The following TGM5 variants were observed in gnomAD, a reference collection of about 807,000 sequenced individuals.
TGM5 encodes the protein protein-glutamine gamma-glutamyltransferase 5.
In TGM5, 69 loss-of-function variants were observed where a neutral mutation model predicts 77.2. The observed-to-expected ratio is 0.89, with a 90% CI of 0.74 to 1.09. The LOEUF (loss-of-function observed/expected upper bound fraction) is 1.09. Ranked by LOEUF, TGM5 falls within the 50% of genes least tolerant of loss-of-function variation. The probability of loss-of-function intolerance (pLI) is 0.00; values close to 1 mark genes in which losing one functional copy is unlikely to be tolerated. For missense variants in TGM5, 842 were observed against 896.5 expected, an observed-to-expected ratio of 0.94 and a Z score of 0.78; for synonymous variants, 346 against 351.8, an observed-to-expected ratio of 0.98 and a Z score of 0.18.
intron 7 of TGM5, 28 bp downstream of exon 7, chr15:43,240,824 A>G (rs2142361036): frequency 6.2e-7 from 1 of 1,613,574 alleles, no homozygotes. Flanking sequence ...GTGTGGCCCT[A>G]GAAATAGGTT....
intron 1 of TGM5, among the ~76,000 whole-genome samples, chr15:43,263,537 G>C (rs762996682): frequency 6.6e-6 from 1 of 152,196 alleles, no homozygotes; most frequent in Non-Finnish European, 1.5e-5. Flanking sequence ...CTTTGACAAA[G>C]GTGCCAAGAC....
At chr15:43,236,491 C>T (rs559651253) in intron 9 of TGM5, among the ~76,000 whole-genome samples, 32 of 152,280 alleles carry the variant, frequency 2.1e-4, no homozygotes, top group African/African-American at 7.2e-4. Flanking sequence ...TACTTGCCCA[C>T]GCCTCATAAT....
chr15:43,235,573 T>A lies in TGM5; in HGVS notation c.1610A>T (p.Lys537Met). The change falls in exon 10 of 13, where the codon AAG (lysine) becomes ATG (methionine). Residue 537 changes from lysine (K) to methionine (M), a missense_variant. Lys to Met is a moderately conservative substitution (Grantham distance 95, BLOSUM62 -1). This residue lies in a region of TGM5 where 815 missense variants were observed against 844.6 expected (regional missense o/e 0.96). Transcript: ENST00000220420. ...LLALNMSSQF[K>M]DLKVNLSAQS... ...GGCACTCAGGTTCACTTTGAGGTCC[T>A]TGAACTGGGAGGACATGTTGAGGGC... 1.2e-6 allele frequency: 2 copies of A among 1,614,208 alleles called. No homozygotes were observed. The highest frequency in any genetic ancestry group is 1.7e-6 in the Non-Finnish European group (2 of 1,180,038).
chr15:43,243,914 C>T (rs1277726054), intron 6 of TGM5, among the ~76,000 whole-genome samples: 3 of 152,202 alleles, frequency 2.0e-5, no homozygotes, highest in Non-Finnish European at 4.4e-5. Flanking sequence ...ATTATCCCAA[C>T]TTTAAAGATG....
Position 43,266,870 on chromosome 15 carries a change from G to A in TGM5, c.-21C>T, listed in dbSNP as rs2142390397. ...GCCATGGTAGCTGCCTCCGGTTCCTGGGATGCTCCCCACAGAACAGCTGGG... is the reference window on the plus strand; with the variant it reads ...GCCATGGTAGCTGCCTCCGGTTCCTAGGATGCTCCCCACAGAACAGCTGGG... On this transcript the variant is annotated 5_prime_UTR_variant, in exon 1 of 13. Transcript: ENST00000220420. 1 of 1,614,014 alleles carries A rather than the reference G, an allele frequency of 6.2e-7. No homozygotes were observed. The highest frequency in any genetic ancestry group is 8.5e-7 in the Non-Finnish European group (1 of 1,180,024).
Position 43,260,237 on chromosome 15 carries a change from C to T in TGM5, c.251G>A (p.Ser84Asn). The T allele has an allele frequency of 6.2e-7, 1 of 1,613,948 alleles. No homozygotes were observed. The highest frequency in any genetic ancestry group is 8.5e-7 in the Non-Finnish European group (1 of 1,180,020). Reference sequence around the variant, plus strand: ...CAGCCAGGCAATCCAGGGGCTGGGGCTGTGATGGCGTGCCAGGCTGAACAC... The same window carrying T: ...CAGCCAGGCAATCCAGGGGCTGGGGTTGTGATGGCGTGCCAGGCTGAACAC... ...RAVFSLARHH[S>N]PSPWIAWLET... The change falls in exon 3 of 13, where the codon AGC becomes AAC. Residue 84 changes from serine to asparagine, a missense_variant. Around this residue, in one of 2 missense-constraint regions of TGM5, gnomAD observed 815 missense variants for 844.6 expected, o/e 0.96. Coordinates refer to ENST00000220420, the MANE Select transcript of TGM5 (RefSeq NM_201631.4).
At position 43,259,712 on chromosome 15, in the gene TGM5, A is replaced by C. The variant is rs148944580; in HGVS notation, c.436+340T>G. 1.4e-4 allele frequency among the ~76,000 whole-genome samples: 22 copies of C among 152,266 alleles called. No homozygotes were observed. The East Asian group carries it at 3.7e-3, about 25-fold the overall frequency. ...TTTTTGACCCTTTCCTTCATTCCAT[A>C]AATACTCAGTGCAGTGCATTCGTTC... On this transcript the variant is annotated intron_variant, in intron 3 of 12. Transcript: ENST00000220420.
intron 6 of TGM5, among the ~76,000 whole-genome samples, chr15:43,244,430 A>G (rs1339575673): frequency 6.6e-6 from 1 of 152,176 alleles, no homozygotes; most frequent in Admixed American, 6.5e-5. Flanking sequence ...GTCACTGATG[A>G]TTTTGTGGGA....
chr15:43,255,334 A>G (rs967148708), intron 4 of TGM5, among the ~76,000 whole-genome samples: 8 of 152,118 alleles, frequency 5.3e-5, no homozygotes, highest in African/African-American at 1.9e-4. Flanking sequence ...ACCATGTCTC[A>G]AAAACAAAAA....
At chr15:43,255,955 C>T (rs2042739399) in intron 4 of TGM5, among the ~76,000 whole-genome samples, 1 of 152,202 alleles carries the variant, frequency 6.6e-6, no homozygotes, top group Admixed American at 6.5e-5. Flanking sequence ...CTTGGGATGA[C>T]CTTCATGTAT....
At chr15:43,252,377 C>T (rs1292927745) in intron 6 of TGM5, among the ~76,000 whole-genome samples, 3 of 152,228 alleles carry the variant, frequency 2.0e-5, no homozygotes, top group South Asian at 2.1e-4. Flanking sequence ...AGTGCAGTGG[C>T]GTGATCTTGG....
rs2042776733 is a variant in TGM5, at chr15:43,260,428, C to T, written c.162G>A (p.Leu54=). Residue 54 remains leucine (L), a synonymous_variant, in exon 2 of 13, where the codon CTG becomes CTA. Coordinates refer to ENST00000220420, the MANE Select transcript of TGM5 (RefSeq NM_201631.4). ...YFRNRSFQPG[L]DNIIFVVETG... Reference sequence around the variant, plus strand: ...TTTCAACCACGAAGATGATGTTGTCCAGGCCTGGCTGGAAGCTCCGGTTCC... The same window carrying T: ...TTTCAACCACGAAGATGATGTTGTCTAGGCCTGGCTGGAAGCTCCGGTTCC... 5 of 1,614,082 alleles carry T rather than the reference C, an allele frequency of 3.1e-6. No individual in the cohort carries two copies. In the African/African-American group the frequency reaches 6.7e-5, roughly 22 times the overall value.
intron 9 of TGM5, among the ~76,000 whole-genome samples, chr15:43,236,225 TCTC>T (rs2042589480): frequency 6.6e-6 from 1 of 151,886 alleles, no homozygotes. Context: ...TCTATCCTGA[TCTC>T]CTCAAGGGAA....
intron 4 of TGM5, among the ~76,000 whole-genome samples, chr15:43,254,832 C>A (rs1388418587): frequency 6.6e-6 from 1 of 152,106 alleles, no homozygotes; most frequent in Non-Finnish European, 1.5e-5. Context: ...ACTCCCATGC[C>A]CAACCAAGAG....
At chr15:43,244,267 A>T (rs999200941) in intron 6 of TGM5, among the ~76,000 whole-genome samples, 24 of 152,222 alleles carry the variant, frequency 1.6e-4, no homozygotes, top group African/African-American at 5.3e-4. Flanking sequence ...TTGAGCTCAT[A>T]TAAGACTTTT....
intron 9 of TGM5, among the ~76,000 whole-genome samples, chr15:43,237,688 G>A (rs189246868): frequency 6.6e-6 from 1 of 152,248 alleles, no homozygotes; most frequent in African/African-American, 2.4e-5. Flanking sequence ...TGTTGGGATT[G>A]CAGGTGTGAG....
chr15:43,233,717 AGTTCTCATT>A, intron 11 of TGM5, 30 bp from the exon 12 acceptor site: 1 of 1,613,098 alleles, frequency 6.2e-7, no homozygotes, highest in Admixed American at 1.7e-5. Flanking sequence ...AAGGAGAATT[AGTTCTCATT>A]CCCCAACTCA....
chr15:43,232,715 C>A lies in TGM5; in HGVS notation c.*476G>T. 1 of 167,232 alleles carries A rather than the reference C, an allele frequency of 6.0e-6. No homozygotes were observed. The highest frequency in any genetic ancestry group is 1.3e-5 in the Non-Finnish European group (1 of 76,346). 10.4% of individuals were successfully genotyped at this position (167,232 alleles called of 1,614,324 possible). A position where few individuals can be genotyped will look rare whatever the true frequency, so the allele number is the denominator to read the frequency against. On this transcript the variant is annotated 3_prime_UTR_variant, in exon 13 of 13. Coordinates refer to ENST00000220420, the MANE Select transcript of TGM5 (RefSeq NM_201631.4). ...TATCTGGGGCAGGGGGCAGTTAAGT[C>A]ATGGCCAAGTCCTACCAGTATCCTC...
intron 9 of TGM5, among the ~76,000 whole-genome samples, chr15:43,236,613 G>A (rs1288757490): frequency 6.6e-6 from 1 of 152,144 alleles, no homozygotes; most frequent in East Asian, 1.9e-4. Flanking sequence ...CCTTGCTCTG[G>A]GGTTCATTCT....
Sources: gnomAD v4.1 joint callset for allele counts (sites outside exome capture counted in the v4.1 genomes callset) on GRCh38, gnomAD v4.1.1 for gene constraint, gnomAD v4.1.1 regional missense constraint, MANE v1.5 for transcripts, NCBI Gene and HGNC (gene_info 2026-07-23, HGNC 2026-07-21) for gene names.